ACTR3C: variants seen among roughly 807,000 people sequenced by gnomAD.
The protein encoded by ACTR3C is actin-related protein 3C.
A neutral mutation model predicts 26.3 loss-of-function variants in ACTR3C; 18 were observed. That is an observed-to-expected ratio of 0.68 (90% CI 0.47 to 1.01). The LOEUF (loss-of-function observed/expected upper bound fraction) is 1.01. ACTR3C is among the 50% of genes least tolerant of loss of function. ACTR3C has a pLI of 0.00. For synonymous variants in ACTR3C, 55 were observed against 94.5 expected (o/e 0.58, Z 2.42); for missense variants, 184 against 250.7 (o/e 0.73, Z 1.80).
chr7:149,992,596 C>T, the ACTR3C span, among the ~76,000 whole-genome samples: 2 of 152,190 alleles, frequency 1.3e-5, no homozygotes, highest in African/African-American at 4.8e-5. Flanking sequence ...CTACAGGTGA[C>T]GCATCTCCAC....
At position 150,287,907 on chromosome 7, in the gene ACTR3C, G is replaced by GA. The variant is rs931882859; in HGVS notation, c.298-1368dup. Among the ~76,000 whole-genome samples, 31 of 144,228 alleles carry GA rather than the reference G, an allele frequency of 2.1e-4. 1 individual carries two copies. The highest frequency in any genetic ancestry group is 6.0e-4 in the Admixed American group (9 of 14,896). 94.6% of individuals were successfully genotyped at this position (144,228 alleles called of 152,430 possible). A position where few individuals can be genotyped will look rare whatever the true frequency, so the allele number is the denominator to read the frequency against. On this transcript the variant is annotated intron_variant, in intron 4 of 7. Transcript: ENST00000683684. ...CTTACTTAACTCAAATGCTTCCTAG[G>GA]AAATGTTTCCATTGAGTTGGGTGCA...
At chr7:149,944,201 G>A in the ACTR3C span, among the ~76,000 whole-genome samples, 3 of 151,882 alleles carry the variant, frequency 2.0e-5, no homozygotes, top group African/African-American at 4.9e-5. Flanking sequence ...TGGGTTTCTG[G>A]TCCTGGATTA....
chr7:150,286,327 C>T (rs1254675854), intron 5 of ACTR3C, 40 bp downstream of exon 5: 29 of 1,601,604 alleles, frequency 1.8e-5, no homozygotes, highest in Non-Finnish European at 2.5e-5. Context: ...CAGTATCGCT[C>T]CATCCCACAC....
intron 6 of ACTR3C, among the ~76,000 whole-genome samples, chr7:150,264,397 T>C (rs1182706688): frequency 6.6e-6 from 1 of 152,118 alleles, no homozygotes; most frequent in African/African-American, 2.4e-5. Flanking sequence ...CTGGCAAGAT[T>C]TGGGATGGCC....
chr7:150,030,587 G>T, the ACTR3C span, among the ~76,000 whole-genome samples: 1 of 152,162 alleles, frequency 6.6e-6, no homozygotes, highest in African/African-American at 2.4e-5. Context: ...ATAGATGAAT[G>T]AATAAAATCT....
At chr7:149,949,704 T>C in the ACTR3C span, among the ~76,000 whole-genome samples, 6 of 147,166 alleles carry the variant, frequency 4.1e-5, 1 homozygote, top group African/African-American at 1.6e-4. Flanking sequence ...CTGTGTTATT[T>C]TGGATGCTTC....
At chr7:150,010,502 T>A in the ACTR3C span, among the ~76,000 whole-genome samples, 3 of 152,136 alleles carry the variant, frequency 2.0e-5, no homozygotes, top group African/African-American at 7.2e-5. Flanking sequence ...GAGACCATCC[T>A]GGCCAACATG....
At chr7:150,197,658 G>C in the ACTR3C span, among the ~76,000 whole-genome samples, 1 of 152,158 alleles carries the variant, frequency 6.6e-6, no homozygotes, top group Admixed American at 6.5e-5. Context: ...CCTTTCCAGA[G>C]CTAGAGACAT....
the ACTR3C span, among the ~76,000 whole-genome samples, chr7:150,077,746 C>T: frequency 7.2e-5 from 11 of 152,290 alleles, no homozygotes; most frequent in Admixed American, 2.0e-4. Flanking sequence ...GTTGGCAGTT[C>T]GGTTCTCCCT....
At chr7:149,945,159 C>T in the ACTR3C span, among the ~76,000 whole-genome samples, 30,367 of 151,696 alleles carry the variant, frequency 0.2, 4,329 homozygotes, top group African/African-American at 0.41. Flanking sequence ...GGGAGGGAAG[C>T]GGCCTGGGGC....
the ACTR3C span, among the ~76,000 whole-genome samples, chr7:149,942,466 C>T: frequency 6.6e-6 from 1 of 152,146 alleles, no homozygotes; most frequent in African/African-American, 2.4e-5. Flanking sequence ...CATCAGTTTG[C>T]TTTGTAGAAG....
the ACTR3C span, among the ~76,000 whole-genome samples, chr7:149,891,647 A>G: frequency 6.6e-6 from 1 of 151,662 alleles, no homozygotes; most frequent in East Asian, 1.9e-4. Flanking sequence ...CAACATAGCA[A>G]GACACTGTCT....
the ACTR3C span, among the ~76,000 whole-genome samples, chr7:149,904,107 G>T: frequency 5.7e-5 from 8 of 139,578 alleles, no homozygotes; most frequent in Non-Finnish European, 9.7e-5. Context: ...TTTTAGTAGA[G>T]ACAAGGTTTC....
chr7:150,223,653 C>T, the ACTR3C span, among the ~76,000 whole-genome samples: 13 of 151,846 alleles, frequency 8.6e-5, no homozygotes, highest in African/African-American at 2.7e-4. Flanking sequence ...CCTGAACTAA[C>T]GAGTTACAGC....
At chr7:149,907,469 T>TCTC in the ACTR3C span, among the ~76,000 whole-genome samples, 1 of 81,352 alleles carries the variant, frequency 1.2e-5, no homozygotes, top group South Asian at 5.1e-4. Flanking sequence ...CTCTCTTGCC[T>TCTC]CTCTTCTCTT....
chr7:150,126,675 C>T, the ACTR3C span, among the ~76,000 whole-genome samples: 1 of 152,180 alleles, frequency 6.6e-6, no homozygotes, highest in Non-Finnish European at 1.5e-5. Context: ...TGTGCTTTGC[C>T]TTGGACAGAA....
At chr7:150,124,123 G>C in the ACTR3C span, among the ~76,000 whole-genome samples, 1 of 152,066 alleles carries the variant, frequency 6.6e-6, no homozygotes, top group Non-Finnish European at 1.5e-5. Flanking sequence ...TTCCAGGCAG[G>C]TGAGCTTTTG....
chr7:150,125,489 C>T, the ACTR3C span, among the ~76,000 whole-genome samples: 16 of 151,586 alleles, frequency 1.1e-4, no homozygotes, highest in Non-Finnish European at 2.2e-4. Context: ...GTGGGGGGTC[C>T]TGTTTCTAAT....
At chr7:149,965,049 T>A in the ACTR3C span, among the ~76,000 whole-genome samples, 1 of 151,990 alleles carries the variant, frequency 6.6e-6, no homozygotes, top group East Asian at 1.9e-4. Context: ...CTTTTTGTAT[T>A]TTCAGGCTAA....
Sources: gnomAD v4.1 joint callset for allele counts (sites outside exome capture counted in the v4.1 genomes callset) on GRCh38, gnomAD v4.1.1 for gene constraint, MANE v1.5 for transcripts, NCBI Gene and HGNC (gene_info 2026-07-23, HGNC 2026-07-21) for gene names.